EPAS1: variants seen among roughly 807,000 people sequenced by gnomAD.
EPAS1 encodes the protein endothelial PAS domain protein 1, also known as endothelial PAS domain-containing protein 1.
In EPAS1, 23 loss-of-function variants were observed where a neutral mutation model predicts 87.9. The ratio of observed to expected loss-of-function variants is 0.26; its 90% CI spans 0.19 to 0.37. EPAS1 has a LOEUF of 0.37. Among genes scored for constraint, EPAS1 ranks in the 10% least tolerant of loss-of-function variants. The probability of loss-of-function intolerance (pLI) is 1.00; values close to 1 mark genes in which losing one functional copy is unlikely to be tolerated. For missense variants in EPAS1, 1,138 were observed against 1,120.7 expected (o/e 1.02, Z -0.22); for synonymous variants, 508 against 444.3 (o/e 1.14, Z -1.80).
At chr2:46,326,914 C>T (rs1683574714) in intron 1 of EPAS1, among the ~76,000 whole-genome samples, 1 of 152,146 alleles carries the variant, frequency 6.6e-6, no homozygotes, top group Admixed American at 6.5e-5. Flanking sequence ...GGGTTCCAGT[C>T]CGAGATTTAC....
Position 46,360,002 on chromosome 2 carries a change from A to C in EPAS1, c.455-636A>C, listed in dbSNP as rs887108578. 1.3e-5 allele frequency among the ~76,000 whole-genome samples: 2 copies of C among 152,186 alleles called. No individual in the cohort carries two copies. The highest frequency in any genetic ancestry group is 2.9e-5 in the Non-Finnish European group (2 of 68,048). ...CAGGTTGAGTTAATCCATAAAGTGG[A>C]CTTGCTCACCAAGTCCACTGTAAGG... is the stretch of plus-strand genomic sequence containing the variant. On this transcript the variant is annotated intron_variant, in intron 4 of 15. Coordinates refer to ENST00000263734, the MANE Select transcript of EPAS1 (RefSeq NM_001430.5). The surrounding 1 kb of genome is among the most constrained non-coding windows in gnomAD (Gnocchi z 4.5).
rs1203032393 is a variant in EPAS1, at chr2:46,386,693, TC to T, written c.*2035del. The T allele has an allele frequency of 1.3e-5, 2 of 152,682 alleles. No homozygotes were observed. The highest frequency in any genetic ancestry group is 2.9e-5 in the Non-Finnish European group (2 of 68,052). The allele number at this position is 152,682 out of a possible 1,614,324, so 9.5% of individuals were successfully genotyped here. On this transcript the variant is annotated 3_prime_UTR_variant, in exon 16 of 16. Coordinates refer to ENST00000263734, the MANE Select transcript of EPAS1 (RefSeq NM_001430.5). ...CTGGTATCTTATTAAAGTATTCTGATCCTACCACTGCTGGTGGCTCTTATTT... is the reference window on the plus strand; with the variant it reads ...CTGGTATCTTATTAAAGTATTCTGATCTACCACTGCTGGTGGCTCTTATTT...
At chr2:46,365,944 A>G (rs757931737) in intron 6 of EPAS1, among the ~76,000 whole-genome samples, 1 of 152,268 alleles carries the variant, frequency 6.6e-6, no homozygotes, top group Non-Finnish European at 1.5e-5. Flanking sequence ...GAAAACAAAT[A>G]GGTGGTTACA....
intron 4 of EPAS1, among the ~76,000 whole-genome samples, chr2:46,357,596 C>G (rs1286506969): frequency 6.6e-6 from 1 of 152,162 alleles, no homozygotes; most frequent in Non-Finnish European, 1.5e-5. Flanking sequence ...ATGTTACAGG[C>G]CAGCCCTGGC....
At chr2:46,363,017 G>GTGATGATGA (rs1553395713) in intron 6 of EPAS1, among the ~76,000 whole-genome samples, 4 of 144,278 alleles carry the variant, frequency 2.8e-5, no homozygotes, top group Admixed American at 7.0e-5. Context: ...GGTGGTGGTG[G>GTGATGATGA]TGATAATGAT....
At chr2:46,343,615 T>A (rs113717961) in intron 1 of EPAS1, among the ~76,000 whole-genome samples, 1 of 152,232 alleles carries the variant, frequency 6.6e-6, no homozygotes, top group South Asian at 2.1e-4. Context: ...TAAGAAGAAG[T>A]GCTTTCTGTA....
At chr2:46,305,036 CA>C (rs1683081677) in intron 1 of EPAS1, among the ~76,000 whole-genome samples, 1 of 152,182 alleles carries the variant, frequency 6.6e-6, no homozygotes, top group Admixed American at 6.5e-5. Flanking sequence ...TGCATTGACA[CA>C]TACCTTAATC....
chr2:46,380,050 A>G lies in EPAS1; in HGVS notation c.1555-177A>G. On this transcript the variant is annotated intron_variant, in intron 11 of 15. Transcript: ENST00000263734. The surrounding 1 kb of genome is among the most constrained non-coding windows in gnomAD (Gnocchi z 4.4). ...GCTGGTACATGATACAAGGTCGTGT[A>G]CATGACACAGCCAAGTCTGAGGTTT... 1 of 934,776 alleles carries G rather than the reference A, an allele frequency of 1.1e-6. No homozygotes were observed. Among genetic ancestry groups the G allele is most frequent in the South Asian group, 1.4e-5 (1 of 73,972 alleles). 57.9% of individuals were successfully genotyped at this position (934,776 alleles called of 1,614,324 possible). A position where few individuals can be genotyped will look rare whatever the true frequency, so the allele number is the denominator to read the frequency against.
chr2:46,349,521 T>C (rs1247899987), intron 2 of EPAS1, among the ~76,000 whole-genome samples: 3 of 152,226 alleles, frequency 2.0e-5, no homozygotes, highest in African/African-American at 7.2e-5. Context: ...TTGCCTGCCC[T>C]CTGGCTGGGC....
intron 15 of EPAS1, among the ~76,000 whole-genome samples, chr2:46,383,881 T>C (rs1684954173): frequency 6.6e-6 from 1 of 152,186 alleles, no homozygotes; most frequent in Admixed American, 6.5e-5. Context: ...AACGAGGCTC[T>C]GCAGATAAGG....
chr2:46,378,774 G>T lies in EPAS1; in HGVS notation c.1554+7G>T. 6.2e-7 allele frequency: 1 copy of T among 1,610,634 alleles called. No homozygotes were observed. Among genetic ancestry groups the T allele is most frequent in the Non-Finnish European group, 8.5e-7 (1 of 1,176,810 alleles). Reference sequence around the variant, plus strand: ...GGACCAATGCAGTACCCAGGTAGATGGCTGTGGAGATCAGGCTAGGGTGTG... The same window carrying T: ...GGACCAATGCAGTACCCAGGTAGATTGCTGTGGAGATCAGGCTAGGGTGTG... On this transcript the variant is annotated splice_region_variant and intron_variant, in intron 11 of 15. Coordinates refer to ENST00000263734, the MANE Select transcript of EPAS1 (RefSeq NM_001430.5).
Position 46,338,503 on chromosome 2 carries a change from A to T in EPAS1, c.27-8370A>T, listed in dbSNP as rs184000932. ...CCGCTGGCTTTCTCCCTGCTTTTTC[A>T]TGAGTGAAGACAGCACCGAGTCTTC... is the stretch of plus-strand genomic sequence containing the variant. On this transcript the variant is annotated intron_variant, in intron 1 of 15. Transcript: ENST00000263734. Among the ~76,000 whole-genome samples the T allele has an allele frequency of 8.0e-4, 122 of 152,270 alleles. 2 individuals carry two copies. Among genetic ancestry groups the T allele is most frequent in the Admixed American group, 2.0e-3 (30 of 15,304 alleles).
At chr2:46,317,097 C>T (rs1234660492) in intron 1 of EPAS1, among the ~76,000 whole-genome samples, 1 of 152,194 alleles carries the variant, frequency 6.6e-6, no homozygotes, top group African/African-American at 2.4e-5. Context: ...CTTGCTATTT[C>T]TTCCACATCT....
Position 46,380,702 on chromosome 2 carries a change from CCACCTT to C in EPAS1, c.2033_2038del (p.Thr678_Phe679del), listed in dbSNP as rs1684869607. On this transcript the variant is annotated inframe_deletion, in exon 12 of 16. Coordinates refer to ENST00000263734, the MANE Select transcript of EPAS1 (RefSeq NM_001430.5). This position sits in a 1 kb window ranked among gnomAD's most constrained non-coding sequence, Gnocchi z 4.4. ...CCCCCTGTCTCTCCACCCCATGTCTCCACCTTCAAGACAAGGTAAGTGGCAGATACT... is the reference window on the plus strand; with the variant it reads ...CCCCCTGTCTCTCCACCCCATGTCTCCAAGACAAGGTAAGTGGCAGATACT... 1 of 1,612,286 alleles carries C rather than the reference CCACCTT, an allele frequency of 6.2e-7. No individual in the cohort carries two copies. Among genetic ancestry groups the C allele is most frequent in the African/African-American group, 1.3e-5 (1 of 74,906 alleles).
chr2:46,383,441 A>G lies in EPAS1; in HGVS notation c.2461+843A>G, dbSNP rs137960905. Among the ~76,000 whole-genome samples, 3 of 152,344 alleles carry G rather than the reference A, an allele frequency of 2.0e-5. No homozygotes were observed. In the East Asian group the frequency reaches 5.8e-4, roughly 29 times the overall value. Reference sequence around the variant, plus strand: ...TTGGCCTGAAAATAATTCGTGGTTTATGGAAAAACATACCAGGCCCCTGTT... The same window carrying G: ...TTGGCCTGAAAATAATTCGTGGTTTGTGGAAAAACATACCAGGCCCCTGTT... On this transcript the variant is annotated intron_variant, in intron 15 of 15. Coordinates refer to ENST00000263734, the MANE Select transcript of EPAS1 (RefSeq NM_001430.5).
At chr2:46,359,773 T>C (rs926402362) in intron 4 of EPAS1, among the ~76,000 whole-genome samples, 21 of 152,192 alleles carry the variant, frequency 1.4e-4, no homozygotes, top group Admixed American at 1.3e-3. Flanking sequence ...GGCAGGATTA[T>C]ATCTTTGAAA....
chr2:46,320,513 G>T (rs1306822707), intron 1 of EPAS1, among the ~76,000 whole-genome samples: 2 of 152,224 alleles, frequency 1.3e-5, no homozygotes, highest in Non-Finnish European at 2.9e-5. Flanking sequence ...TCTAATAGCA[G>T]TTTGTGGGCT....
chr2:46,364,769 T>C (rs1684468400), intron 6 of EPAS1, among the ~76,000 whole-genome samples: 1 of 152,234 alleles, frequency 6.6e-6, no homozygotes, highest in African/African-American at 2.4e-5. Flanking sequence ...TGATCTCTTC[T>C]TCATTTACGA....
intron 11 of EPAS1, among the ~76,000 whole-genome samples, chr2:46,379,493 T>C (rs970761732): frequency 5.3e-5 from 8 of 152,224 alleles, no homozygotes; most frequent in African/African-American, 1.9e-4. Context: ...TCCTGTAGTA[T>C]ATATCATGTG....
Sources: gnomAD v4.1 joint callset for allele counts (sites outside exome capture counted in the v4.1 genomes callset) on GRCh38, gnomAD v4.1.1 for gene constraint, Gnocchi (gnomAD v3.1) non-coding constraint, MANE v1.5 for transcripts, NCBI Gene and HGNC (gene_info 2026-07-23, HGNC 2026-07-21) for gene names.